RNASET2: variants seen among roughly 807,000 people sequenced by gnomAD.
RNASET2 encodes ribonuclease 6.
RNASET2 carries 28 observed loss-of-function variants against 33.9 expected under a neutral mutation model. That is an observed-to-expected ratio of 0.83 (90% CI 0.61 to 1.13). The LOEUF (loss-of-function observed/expected upper bound fraction) is 1.13. Among genes scored for constraint, RNASET2 ranks in the 50% most tolerant of loss-of-function variants. The pLI is 0.00. For synonymous variants in RNASET2, 123 were observed against 121.0 expected (o/e 1.02, Z -0.11); for missense variants, 330 against 319.9 (o/e 1.03, Z -0.24).
intron 5 of RNASET2, 49 bp from the exon 6 acceptor site, chr6:166,939,057 C>T (rs372812934): frequency 2.9e-5 from 39 of 1,329,040 alleles, no homozygotes; most frequent in African/African-American, 2.3e-4. Context: ...AAACAGGCTG[C>T]GTGCAGTGGC....
In RNASET2 at chr6:166,925,992, G is replaced by A. The variant is rs1288351948; in HGVS notation, c.*3596C>T. The stretch of plus-strand genomic sequence containing the variant: ...AGAGAGCCATGGTTGGTTACGGAGA[G>A]TGGCACAAACACGGTGCCAGCGTCC... On this transcript the variant is annotated 3_prime_UTR_variant, in exon 9 of 9. Coordinates refer to ENST00000508775, the MANE Select transcript of RNASET2 (RefSeq NM_003730.6). Among the ~76,000 whole-genome samples the A allele has an allele frequency of 6.6e-6, 1 of 152,218 alleles. No homozygotes were observed. Among genetic ancestry groups the A allele is most frequent in the Non-Finnish European group, 1.5e-5 (1 of 68,044 alleles).
rs774457629 is a variant in RNASET2, at chr6:166,931,025, C to T, written c.567+19G>A. 2 of 1,585,510 alleles carry T rather than the reference C, an allele frequency of 1.3e-6. No homozygotes were observed. The highest frequency in any genetic ancestry group is 1.7e-6 in the Non-Finnish European group (2 of 1,154,188). Reference sequence around the variant, plus strand: ...TGTCTTCTTGAGAAAAAAAGGAAGACAAAACATAACTGTCTAACCTGGCTT... The same window carrying T: ...TGTCTTCTTGAGAAAAAAAGGAAGATAAAACATAACTGTCTAACCTGGCTT... On this transcript the variant is annotated intron_variant, in intron 8 of 8. Transcript: ENST00000508775.
chr6:166,955,854 G>A (rs1779152110), intron 1 of RNASET2: 15 of 837,538 alleles, frequency 1.8e-5, no homozygotes, highest in Non-Finnish European at 2.2e-5. Flanking sequence ...CTTCCCAGAG[G>A]TCACTTCTGA....
rs1187307613 is a variant in RNASET2 at position 166,923,084 on chromosome 6, A to G, written c.*6504T>C. On this transcript the variant is annotated 3_prime_UTR_variant, in exon 9 of 9. Transcript: ENST00000508775. ...ACAGCATTTAATGGATCTTAACTTTATCCATCTCAAACTTTCTTTTGGAGA... is the reference window on the plus strand; with the variant it reads ...ACAGCATTTAATGGATCTTAACTTTGTCCATCTCAAACTTTCTTTTGGAGA... 1.8e-4 allele frequency among the ~76,000 whole-genome samples: 27 copies of G among 152,240 alleles called. 1 individual carries two copies. The highest frequency in any genetic ancestry group is 4.0e-4 in the Non-Finnish European group (27 of 68,044).
intron 2 of RNASET2, among the ~76,000 whole-genome samples, chr6:166,951,128 G>A (rs1338443682): frequency 6.6e-6 from 1 of 152,238 alleles, no homozygotes; most frequent in African/African-American, 2.4e-5. Context: ...CGTGAGTCAC[G>A]TGTCCACTGG....
rs13213697 is a variant in RNASET2 at position 166,931,095 on chromosome 6, A to G, written c.516T>C (p.Leu172=). The part of the protein sequence containing the change: ...YYQVADFKDA[L]ARVYGVIPKI... ...TGGGTATCACTCCATATACTCTGGC[A>G]AGGGCATCTTTAAAATCTGCAACCT... Residue 172 remains leucine (L), a synonymous_variant, in exon 8 of 9, where the codon CTT becomes CTC. Coordinates refer to ENST00000508775, the MANE Select transcript of RNASET2 (RefSeq NM_003730.6). 0.18 allele frequency: 286,699 copies of G among 1,606,702 alleles called. 28,168 individuals carry two copies. The highest frequency in any genetic ancestry group is 0.34 in the African/African-American group (25,759 of 74,720).
rs567304472 is a variant in RNASET2, at chr6:166,926,765, T to G, written c.*2823A>C. ...TGAAGGAGTTTCATGGGAACCTGGTTTTCTTGTCTCGCTTTTACCTATGGT... is the reference window on the plus strand; with the variant it reads ...TGAAGGAGTTTCATGGGAACCTGGTGTTCTTGTCTCGCTTTTACCTATGGT... On this transcript the variant is annotated 3_prime_UTR_variant, in exon 9 of 9. Transcript: ENST00000508775. Among the ~76,000 whole-genome samples the G allele has an allele frequency of 1.3e-5, 2 of 152,178 alleles. No individual in the cohort carries two copies. Among genetic ancestry groups the G allele is most frequent in the South Asian group, 4.1e-4 (2 of 4,824 alleles).
At chr6:166,950,244 G>A (rs73041488) in intron 2 of RNASET2, among the ~76,000 whole-genome samples, 6,302 of 152,162 alleles carry the variant, frequency 0.041, 246 homozygotes, top group African/African-American at 0.097. Context: ...AAGGACTCCA[G>A]CAATCCCTCC....
chr6:166,955,933 T>A (rs1434592642), intron 1 of RNASET2, among the ~76,000 whole-genome samples, 164 bp downstream of exon 1: 1 of 151,024 alleles, frequency 6.6e-6, no homozygotes, highest in Non-Finnish European at 1.5e-5. Context: ...ACTTCCCAAC[T>A]TCTTCCCAGG....
intron 6 of RNASET2, among the ~76,000 whole-genome samples, chr6:166,937,328 G>T (rs1166584025): frequency 1.2e-4 from 18 of 152,024 alleles, no homozygotes; most frequent in Non-Finnish European, 1.5e-5. Flanking sequence ...GTAGAGATGG[G>T]ATTTCACCAT....
chr6:166,929,130 C>A lies in RNASET2; in HGVS notation c.*458G>T, dbSNP rs1490205487. On this transcript the variant is annotated 3_prime_UTR_variant, in exon 9 of 9. Coordinates refer to ENST00000508775, the MANE Select transcript of RNASET2 (RefSeq NM_003730.6). ...TGGGGCTCTGGTCACATGGAACAGA[C>A]CCAGTCTGAGCTAGAGACACCCCCC... Among the ~76,000 whole-genome samples, 2 of 152,246 alleles carry A rather than the reference C, an allele frequency of 1.3e-5. No individual in the cohort carries two copies. The highest frequency in any genetic ancestry group is 4.8e-5 in the African/African-American group (2 of 41,472).
Position 166,939,015 on chromosome 6 carries a change from G to T in RNASET2, c.333-7C>A. The T allele has an allele frequency of 3.1e-6, 5 of 1,603,752 alleles. No individual in the cohort carries two copies. Among genetic ancestry groups the T allele is most frequent in the Non-Finnish European group, 2.6e-6 (3 of 1,172,564 alleles). On this transcript the variant is annotated splice_polypyrimidine_tract_variant and splice_region_variant and intron_variant, in intron 5 of 8. Transcript: ENST00000508775. ...CTTTTCCCACTCATGCTTCCTGTGA[G>T]GATTAGGAAAAATCTCCACTTAAAA...
rs1157313126 is a variant in RNASET2, at chr6:166,924,260, C to T, written c.*5328G>A. ...GGACTACAGGTGCCCGCCACCATGC[C>T]CGGCCAATTTTTGTATTTTTAGTAG... On this transcript the variant is annotated 3_prime_UTR_variant, in exon 9 of 9. Transcript: ENST00000508775. 6.6e-6 allele frequency among the ~76,000 whole-genome samples: 1 copy of T among 152,144 alleles called. No homozygotes were observed. Among genetic ancestry groups the T allele is most frequent in the Non-Finnish European group, 1.5e-5 (1 of 68,024 alleles).
In RNASET2 at chr6:166,927,092, G is replaced by GTAAC. The variant is rs1778319278; in HGVS notation, c.*2495_*2496insGTTA. 6.6e-6 allele frequency among the ~76,000 whole-genome samples: 1 copy of GTAAC among 152,200 alleles called. No homozygotes were observed. ...TCCGCCCAGTTACAGCGAGAACCGT[G>GTAAC]TGGTCAGAGTTGCATCTTCCTGAGT... On this transcript the variant is annotated 3_prime_UTR_variant, in exon 9 of 9. Coordinates refer to ENST00000508775, the MANE Select transcript of RNASET2 (RefSeq NM_003730.6).
chr6:166,933,567 T>C lies in RNASET2; in HGVS notation c.492+524A>G, dbSNP rs2128644479. The C allele has an allele frequency of 5.9e-6, 1 of 169,530 alleles. No individual in the cohort carries two copies. The highest frequency in any genetic ancestry group is 5.9e-5 in the Admixed American group (1 of 17,076). The allele number at this position is 169,530 out of a possible 1,614,324, so 10.5% of individuals were successfully genotyped here. ...GGTCTCACTCTGCTGCCCAGGCTGGTCTCGAAATTCTAGCCACAAGCAATC... is the reference window on the plus strand; with the variant it reads ...GGTCTCACTCTGCTGCCCAGGCTGGCCTCGAAATTCTAGCCACAAGCAATC... On this transcript the variant is annotated intron_variant, in intron 7 of 8. Coordinates refer to ENST00000508775, the MANE Select transcript of RNASET2 (RefSeq NM_003730.6). This position sits in a 1 kb window ranked among gnomAD's most constrained non-coding sequence, Gnocchi z 4.1.
In RNASET2 at chr6:166,956,287, G is replaced by A. The variant is rs1163739819; in HGVS notation, c.-105C>T. On this transcript the variant is annotated 5_prime_UTR_variant, in exon 1 of 9. Transcript: ENST00000508775. Reference sequence around the variant, plus strand: ...GGAGAAACGCTGTCTCCGAGCCCCCGCGCCGCCGCGCTCCCTCCGCTGCAG... The same window carrying A: ...GGAGAAACGCTGTCTCCGAGCCCCCACGCCGCCGCGCTCCCTCCGCTGCAG... The A allele has an allele frequency of 2.7e-6, 3 of 1,112,912 alleles. No homozygotes were observed. Among genetic ancestry groups the A allele is most frequent in the Middle Eastern group, 2.9e-4 (1 of 3,494 alleles). 68.9% of individuals were successfully genotyped at this position (1,112,912 alleles called of 1,614,324 possible).
In RNASET2 at chr6:166,923,851, A is replaced by G. The variant is rs190860318; in HGVS notation, c.*5737T>C. On this transcript the variant is annotated 3_prime_UTR_variant, in exon 9 of 9. Coordinates refer to ENST00000508775, the MANE Select transcript of RNASET2 (RefSeq NM_003730.6). ...TCAGGAGCTAGAGCTTGTGAGGAAA[A>G]GTAGTATTTTAACTTCTGAGTCTTT... Among the ~76,000 whole-genome samples the G allele has an allele frequency of 6.7e-3, 1,020 of 152,330 alleles. 14 individuals carry two copies. The highest frequency in any genetic ancestry group is 0.023 in the African/African-American group (950 of 41,576).
Position 166,946,681 on chromosome 6 carries a change from C to T in RNASET2, c.261+1G>A. 2 of 1,500,412 alleles carry T rather than the reference C, an allele frequency of 1.3e-6. No individual in the cohort carries two copies. Among genetic ancestry groups the T allele is most frequent in the Non-Finnish European group, 1.8e-6 (2 of 1,088,244 alleles). The allele number at this position is 1,500,412 out of a possible 1,614,324, so 92.9% of individuals were successfully genotyped here. A position where few individuals can be genotyped will look rare whatever the true frequency, so the allele number is the denominator to read the frequency against. ...GTAGAAATATAATTAAAAGTCAATA[C>T]CTTAATCTCTTCTAAATTGAAGGGC... On this transcript the variant is annotated splice_donor_variant, in intron 4 of 8. Transcript: ENST00000508775. LOFTEE classifies it high-confidence loss of function.
At chr6:166,939,513 G>A (rs778362852) in intron 5 of RNASET2, among the ~76,000 whole-genome samples, 18 of 152,168 alleles carry the variant, frequency 1.2e-4, no homozygotes, top group South Asian at 2.1e-4. Flanking sequence ...TTCAGTTCAC[G>A]TCTACAATTA....
Sources: allele counts gnomAD v4.1 joint callset (sites outside exome capture counted in the v4.1 genomes callset), GRCh38; gene constraint gnomAD v4.1.1; non-coding constraint Gnocchi (gnomAD v3.1); transcripts MANE v1.5; gene names NCBI Gene and HGNC (gene_info 2026-07-23, HGNC 2026-07-21).